The following FRMPD1 variants were observed in gnomAD, a reference collection of about 807,000 sequenced individuals.
FRMPD1 encodes the protein FERM and PDZ domain-containing protein 1.
A neutral mutation model predicts 117.8 loss-of-function variants in FRMPD1; 76 were observed. The observed-to-expected ratio is 0.65, with a 90% CI of 0.54 to 0.78. The LOEUF (loss-of-function observed/expected upper bound fraction) is 0.78, where lower values mean the gene tolerates loss of function less well. Ranked by LOEUF, FRMPD1 falls within the 30% of genes least tolerant of loss-of-function variation. The pLI, the probability that FRMPD1 is intolerant of heterozygous loss-of-function variation, is 0.00. For synonymous variants in FRMPD1, 783 were observed against 770.4 expected (o/e 1.02, Z -0.27); for missense variants, 1,786 against 1,964.5 (o/e 0.91, Z 1.72).
At chr9:37,625,674 G>A in the FRMPD1 span, among the ~76,000 whole-genome samples, 1 of 152,202 alleles carries the variant, frequency 6.6e-6, no homozygotes, top group South Asian at 2.1e-4. Context: ...AATAGGTAAG[G>A]AGCTGAAGGA....
At chr9:37,668,956 C>G (rs994735096) in intron 1 of FRMPD1, among the ~76,000 whole-genome samples, 1 of 152,180 alleles carries the variant, frequency 6.6e-6, no homozygotes, top group Admixed American at 6.5e-5. Flanking sequence ...ATTGGGGGAT[C>G]ATAGGATGTG....
At chr9:37,741,031 T>G in intron 15 of FRMPD1, 147 bp downstream of exon 15, 1 of 651,474 alleles carries the variant, frequency 1.5e-6, no homozygotes, top group Non-Finnish European at 2.7e-6. Flanking sequence ...ACAGATTCCA[T>G]GGACCAAATT....
At position 37,740,496 on chromosome 9, in the gene FRMPD1, C is replaced by T. The variant is rs766687106; in HGVS notation, c.1968C>T (p.Leu656=). The T allele has an allele frequency of 6.2e-7, 1 of 1,614,150 alleles. No homozygotes were observed. The highest frequency in any genetic ancestry group is 1.1e-5 in the South Asian group (1 of 91,078). The part of the protein sequence containing the change: ...ERSGIETSGF[L]CLLDLAQRAN... ...GCGGGATTGAAACCAGTGGCTTCCT[C>T]TGTCTCCTGGACCTGGCCCAGAGAG... The change falls in exon 15 of 16, where the codon CTC becomes CTT. Residue 656 remains leucine, a synonymous_variant. Coordinates refer to ENST00000377765, the MANE Select transcript of FRMPD1 (RefSeq NM_014907.3). This position sits in a 1 kb window ranked among gnomAD's most constrained non-coding sequence, Gnocchi z 4.2.
intron 4 of FRMPD1, among the ~76,000 whole-genome samples, chr9:37,709,349 T>TG (rs886506146): frequency 1.3e-5 from 1 of 74,682 alleles, no homozygotes; most frequent in Non-Finnish European, 3.0e-5. Flanking sequence ...TGGTATTAAT[T>TG]GTTTTTTTTT....
intron 1 of FRMPD1, among the ~76,000 whole-genome samples, chr9:37,656,279 C>A (rs1414403456): frequency 1.3e-5 from 2 of 152,184 alleles, no homozygotes; most frequent in African/African-American, 2.4e-5. Flanking sequence ...CAGCTGAACT[C>A]ACTCGTGGCA....
the FRMPD1 span, chr9:37,636,984 G>A: frequency 1.3e-6 from 2 of 1,578,796 alleles, no homozygotes; most frequent in East Asian, 2.2e-5. Flanking sequence ...TCAATCTCCT[G>A]CAGCCACTGC....
At chr9:37,664,472 T>C (rs1474342840) in intron 1 of FRMPD1, among the ~76,000 whole-genome samples, 2 of 149,236 alleles carry the variant, frequency 1.3e-5, no homozygotes, top group Non-Finnish European at 3.0e-5. Flanking sequence ...CTCCCTCCCC[T>C]TACCCCACCC....
At chr9:37,632,190 G>A in the FRMPD1 span, among the ~76,000 whole-genome samples, 1 of 152,160 alleles carries the variant, frequency 6.6e-6, no homozygotes, top group South Asian at 2.1e-4. Context: ...CTACAATAAG[G>A]CATTTATTGT....
intron 1 of FRMPD1, among the ~76,000 whole-genome samples, chr9:37,665,696 A>G (rs1821139200): frequency 6.6e-6 from 1 of 152,196 alleles, no homozygotes; most frequent in Admixed American, 6.5e-5. Context: ...TTCCCCTTGA[A>G]GTCTTCACTG....
intron 14 of FRMPD1, among the ~76,000 whole-genome samples, chr9:37,737,655 C>T (rs953232265): frequency 6.6e-6 from 1 of 151,968 alleles, no homozygotes; most frequent in African/African-American, 2.4e-5. Flanking sequence ...GAAACCTCAT[C>T]TCTACTAAAA....
chr9:37,677,206 A>G (rs115145949), intron 1 of FRMPD1, among the ~76,000 whole-genome samples: 88 of 152,316 alleles, frequency 5.8e-4, no homozygotes, highest in African/African-American at 1.9e-3. Context: ...CCTTGATGTC[A>G]TAGTCATGGG....
In FRMPD1 at chr9:37,725,586, G is replaced by T. The variant is rs1001963552; in HGVS notation, c.612+1266G>T. Among the ~76,000 whole-genome samples, 51 of 152,358 alleles carry T rather than the reference G, an allele frequency of 3.3e-4. 1 individual carries two copies. The highest frequency in any genetic ancestry group is 1.2e-3 in the African/African-American group (51 of 41,584). Reference sequence around the variant, plus strand: ...TCTATTTCTTCCTAAATGTGAGTTAGAAGAAGCTGGAGAAGGGCTTTCTGA... The same window carrying T: ...TCTATTTCTTCCTAAATGTGAGTTATAAGAAGCTGGAGAAGGGCTTTCTGA... On this transcript the variant is annotated intron_variant, in intron 7 of 15. Coordinates refer to ENST00000377765, the MANE Select transcript of FRMPD1 (RefSeq NM_014907.3).
chr9:37,718,975 T>C, intron 5 of FRMPD1, 94 bp from the exon 6 acceptor site: 2 of 738,292 alleles, frequency 2.7e-6, no homozygotes. Flanking sequence ...CTGCAACAGC[T>C]ATCAAAGTTT....
chr9:37,637,001 T>G, the FRMPD1 span: 1 of 1,569,868 alleles, frequency 6.4e-7, no homozygotes, highest in Non-Finnish European at 8.8e-7. Flanking sequence ...CTGCTTCACG[T>G]TGGCATAGGA....
intron 14 of FRMPD1, among the ~76,000 whole-genome samples, chr9:37,737,821 C>CTTGT (rs1824203937): frequency 9.1e-6 from 1 of 110,202 alleles, no homozygotes; most frequent in African/African-American, 3.7e-5. Flanking sequence ...GAAACTCCAT[C>CTTGT]TTAAAAAAAA....
chr9:37,637,971 T>TCTTTCTTTCTTTCTTTCTTTCTTTC, the FRMPD1 span, among the ~76,000 whole-genome samples: 12 of 78,856 alleles, frequency 1.5e-4, no homozygotes, highest in African/African-American at 6.0e-4. Flanking sequence ...ATGCTTTCTT[T>TCTTTCTTTCTTTCTTTCTTTCTTTC]CTTTCTTTCT....
intron 1 of FRMPD1, among the ~76,000 whole-genome samples, chr9:37,658,433 G>C (rs1330202350): frequency 6.6e-6 from 1 of 152,158 alleles, no homozygotes; most frequent in African/African-American, 2.4e-5. Context: ...CTACTTCTTA[G>C]GTGCTGTATT....
At chr9:37,617,148 C>T in the FRMPD1 span, among the ~76,000 whole-genome samples, 1 of 152,350 alleles carries the variant, frequency 6.6e-6, no homozygotes, top group Non-Finnish European at 1.5e-5. Flanking sequence ...GTTAAACTTG[C>T]CCAAGATCAC....
At chr9:37,696,051 CTTTTTT>C (rs61521469) in intron 2 of FRMPD1, among the ~76,000 whole-genome samples, 3,529 of 78,110 alleles carry the variant, frequency 0.045, 220 homozygotes, top group East Asian at 0.39. Context: ...CATTGTTTTG[CTTTTTT>C]TTTTTTTTTT....
Sources: gnomAD v4.1 joint callset for allele counts (sites outside exome capture counted in the v4.1 genomes callset) on GRCh38, gnomAD v4.1.1 for gene constraint, Gnocchi (gnomAD v3.1) non-coding constraint, MANE v1.5 for transcripts, NCBI Gene and HGNC (gene_info 2026-07-23, HGNC 2026-07-21) for gene names.